The following BACH2 variants were observed in gnomAD, a reference collection of about 807,000 sequenced individuals.
The protein encoded by BACH2 is transcription regulator protein BACH2.
A neutral mutation model predicts 61.8 loss-of-function variants in BACH2; 5 were observed. That is an observed-to-expected ratio of 0.08 (90% CI 0.04 to 0.17). The LOEUF (loss-of-function observed/expected upper bound fraction) is 0.17, where lower values mean the gene tolerates loss of function less well. Among genes scored for constraint, BACH2 ranks in the 10% least tolerant of loss-of-function variants. The probability of loss-of-function intolerance (pLI) is 1.00; values close to 1 mark genes in which losing one functional copy is unlikely to be tolerated. For missense variants in BACH2, 824 were observed against 1,091.1 expected, an observed-to-expected ratio of 0.76 and a Z score of 3.45; for synonymous variants, 446 against 440.1, an observed-to-expected ratio of 1.01 and a Z score of -0.17.
At chr6:90,052,018 C>T (rs551313809) in intron 5 of BACH2, among the ~76,000 whole-genome samples, 7 of 152,024 alleles carry the variant, frequency 4.6e-5, no homozygotes, top group Admixed American at 1.3e-4. Context: ...TTTTAGTTAC[C>T]GAATTCTAAT....
chr6:90,112,137 T>C (rs1783199679), intron 4 of BACH2, among the ~76,000 whole-genome samples: 1 of 152,230 alleles, frequency 6.6e-6, no homozygotes, highest in Non-Finnish European at 1.5e-5. Context: ...GAGTCCAAGA[T>C]CTCTTTGTCT....
At chr6:90,113,561 C>T (rs1013419618) in intron 4 of BACH2, among the ~76,000 whole-genome samples, 3 of 151,882 alleles carry the variant, frequency 2.0e-5, no homozygotes, top group African/African-American at 7.3e-5. Flanking sequence ...AAAGATATAC[C>T]AGAATCTCTG....
At chr6:90,233,063 T>G (rs1345611990) in intron 3 of BACH2, among the ~76,000 whole-genome samples, 1 of 152,218 alleles carries the variant, frequency 6.6e-6, no homozygotes, top group African/African-American at 2.4e-5. Flanking sequence ...TCAACAAGAA[T>G]TTGTTTCAGT....
intron 6 of BACH2, among the ~76,000 whole-genome samples, chr6:89,993,594 C>T (rs1562352915): frequency 6.6e-6 from 1 of 152,126 alleles, no homozygotes; most frequent in Non-Finnish European, 1.5e-5. Flanking sequence ...TCTATTCTGA[C>T]TCACTCTTCT....
chr6:90,173,483 T>C (rs755479405), intron 4 of BACH2, among the ~76,000 whole-genome samples: 6 of 152,068 alleles, frequency 3.9e-5, no homozygotes, highest in Non-Finnish European at 8.8e-5. Flanking sequence ...GAAATTATAC[T>C]GAAAAAATAT....
intron 3 of BACH2, among the ~76,000 whole-genome samples, chr6:90,209,632 A>T (rs1769274080): frequency 6.6e-6 from 1 of 152,186 alleles, no homozygotes; most frequent in African/African-American, 2.4e-5. Flanking sequence ...AAATGTGGGC[A>T]CAAGAAGATA....
At chr6:89,969,404 T>C (rs774265663) in intron 6 of BACH2, among the ~76,000 whole-genome samples, 5 of 152,058 alleles carry the variant, frequency 3.3e-5, no homozygotes, top group Non-Finnish European at 7.4e-5. Context: ...TCACAATGTA[T>C]CACAATCAAA....
At chr6:90,017,057 G>A (rs750933285) in intron 5 of BACH2, among the ~76,000 whole-genome samples, 12 of 151,908 alleles carry the variant, frequency 7.9e-5, no homozygotes, top group Non-Finnish European at 1.3e-4. Context: ...AACCAAATTT[G>A]GAAAAATTTT....
chr6:90,266,325 T>C (rs1341128049), intron 2 of BACH2, among the ~76,000 whole-genome samples: 1 of 152,124 alleles, frequency 6.6e-6, no homozygotes, highest in East Asian at 1.9e-4. Flanking sequence ...CCCAGCCTCC[T>C]AAAGAGCCTG....
At chr6:90,035,553 A>T (rs1388483237) in intron 5 of BACH2, among the ~76,000 whole-genome samples, 1 of 152,080 alleles carries the variant, frequency 6.6e-6, no homozygotes, top group Non-Finnish European at 1.5e-5. Flanking sequence ...ACAGATGGAA[A>T]ATTCACCGGG....
intron 4 of BACH2, among the ~76,000 whole-genome samples, chr6:90,184,705 G>A (rs950222009): frequency 6.6e-6 from 1 of 152,142 alleles, no homozygotes; most frequent in Non-Finnish European, 1.5e-5. Flanking sequence ...GGCCAGGGAT[G>A]GTCTCTGTCA....
At chr6:90,035,939 G>A (rs1194140319) in intron 5 of BACH2, among the ~76,000 whole-genome samples, 4 of 151,672 alleles carry the variant, frequency 2.6e-5, no homozygotes, top group African/African-American at 9.7e-5. Context: ...GGGGCATGAT[G>A]AGCAGCATAT....
intron 4 of BACH2, among the ~76,000 whole-genome samples, chr6:90,176,376 G>A (rs1055970616): frequency 1.3e-5 from 2 of 152,118 alleles, no homozygotes; most frequent in East Asian, 1.9e-4. Context: ...TTCAGTGGTC[G>A]AAAAACAGGA....
chr6:90,151,652 T>C (rs1012804084), intron 4 of BACH2, among the ~76,000 whole-genome samples: 2 of 152,330 alleles, frequency 1.3e-5, no homozygotes, highest in African/African-American at 4.8e-5. Flanking sequence ...GTAAGATCTG[T>C]AAGGGTAGGA....
chr6:90,285,412 A>C (rs1321235624), intron 1 of BACH2, among the ~76,000 whole-genome samples: 69 of 152,198 alleles, frequency 4.5e-4, no homozygotes, highest in Non-Finnish European at 1.5e-4. Flanking sequence ...TACGCCAAGA[A>C]AGCCTAACTA....
At chr6:90,220,148 T>C (rs1193436479) in intron 3 of BACH2, among the ~76,000 whole-genome samples, 1 of 152,194 alleles carries the variant, frequency 6.6e-6, no homozygotes, top group Non-Finnish European at 1.5e-5. Context: ...TTTTTCACAA[T>C]GTTTCCAAAG....
intron 6 of BACH2, among the ~76,000 whole-genome samples, chr6:89,963,848 A>G (rs1008205826): frequency 3.3e-5 from 5 of 152,264 alleles, no homozygotes; most frequent in Admixed American, 2.0e-4. Context: ...AAAATGTGGT[A>G]GATACATACA....
intron 3 of BACH2, among the ~76,000 whole-genome samples, chr6:90,224,679 G>A (rs1049263052): frequency 1.3e-5 from 2 of 152,116 alleles, no homozygotes; most frequent in Non-Finnish European, 2.9e-5. Flanking sequence ...AAAATGAAAT[G>A]CAAATTAGAT....
chr6:90,193,110 A>C (rs1768631535), intron 4 of BACH2, among the ~76,000 whole-genome samples: 1 of 152,264 alleles, frequency 6.6e-6, no homozygotes, highest in Non-Finnish European at 1.5e-5. Context: ...ATGAGAAAAG[A>C]TGGTGCTTTA....
Sources: gnomAD v4.1 joint callset for allele counts (sites outside exome capture counted in the v4.1 genomes callset) on GRCh38, gnomAD v4.1.1 for gene constraint, MANE v1.5 for transcripts, NCBI Gene and HGNC (gene_info 2026-07-23, HGNC 2026-07-21) for gene names.